Variants in CCDC138 observed in about 807,000 individuals in gnomAD.
The protein encoded by CCDC138 is coiled-coil domain-containing protein 138.
A neutral mutation model predicts 82.3 loss-of-function variants in CCDC138; 66 were observed. That is an observed-to-expected ratio of 0.80 (90% confidence interval 0.66 to 0.98). The LOEUF (loss-of-function observed/expected upper bound fraction) is 0.98. CCDC138 is among the 50% of genes least tolerant of loss of function. The pLI, the probability that CCDC138 is intolerant of heterozygous loss-of-function variation, is 0.00. For missense variants in CCDC138, 816 were observed against 758.9 expected (o/e 1.08, Z -0.88); for synonymous variants, 297 against 265.4 (o/e 1.12, Z -1.16).
At chr2:108,842,744 CAG>C (rs1164760249) in intron 11 of CCDC138, among the ~76,000 whole-genome samples, 1 of 152,080 alleles carries the variant, frequency 6.6e-6, no homozygotes, top group South Asian at 2.1e-4. Flanking sequence ...AAACTGGAAA[CAG>C]TGTTAAAAGT....
At chr2:108,873,681 C>A in intron 14 of CCDC138, 92 bp downstream of exon 14, 1 of 828,292 alleles carries the variant, frequency 1.2e-6, no homozygotes, top group Non-Finnish European at 1.8e-6. Flanking sequence ...CTTCCCTGGG[C>A]CACACTGGAT....
At chr2:108,879,520 G>C (rs565647629), downstream of CCDC138, among the ~76,000 whole-genome samples, 8 of 152,276 alleles carry the variant, frequency 5.3e-5, no homozygotes, top group South Asian at 2.1e-4. Context: ...AATACCAACT[G>C]CATATGACAG....
At chr2:108,802,893 G>A (rs1396824506) in intron 6 of CCDC138, among the ~76,000 whole-genome samples, 2 of 152,160 alleles carry the variant, frequency 1.3e-5, no homozygotes, top group African/African-American at 4.8e-5. Context: ...ATAATCACGT[G>A]GTTTTTGTCT....
chr2:108,847,830 A>G (rs976409753), intron 12 of CCDC138, among the ~76,000 whole-genome samples: 4 of 152,216 alleles, frequency 2.6e-5, no homozygotes, highest in South Asian at 2.1e-4. Flanking sequence ...TTGATGAAAA[A>G]GTAAAAAACC....
chr2:108,875,690 T>C (rs1478519), intron 14 of CCDC138, among the ~76,000 whole-genome samples: 9,372 of 152,068 alleles, frequency 0.062, 355 homozygotes, highest in South Asian at 0.15. Flanking sequence ...ACACCCTGTC[T>C]CTACAAAAAA....
downstream of CCDC138, among the ~76,000 whole-genome samples, chr2:108,878,054 A>G (rs886593673): frequency 6.6e-6 from 1 of 152,216 alleles, no homozygotes; most frequent in Non-Finnish European, 1.5e-5. Flanking sequence ...AAATTATACC[A>G]CTTACGTACT....
chr2:108,873,669 G>T, intron 14 of CCDC138, 80 bp downstream of exon 14: 1 of 939,548 alleles, frequency 1.1e-6, no homozygotes, highest in Non-Finnish European at 1.6e-6. Flanking sequence ...TTAATCTTTT[G>T]GCTTCCCTGG....
At chr2:108,807,062 T>C (rs923374436) in intron 7 of CCDC138, among the ~76,000 whole-genome samples, 1 of 152,236 alleles carries the variant, frequency 6.6e-6, no homozygotes, top group African/African-American at 2.4e-5. Context: ...GAGGAAAATA[T>C]GTCTTTCATT....
intron 11 of CCDC138, among the ~76,000 whole-genome samples, chr2:108,842,485 G>C (rs1287895205): frequency 6.6e-6 from 1 of 152,140 alleles, no homozygotes; most frequent in Non-Finnish European, 1.5e-5. Context: ...TTGGAGTCCA[G>C]GATGTTACCC....
chr2:108,796,581 G>A (rs948517078), intron 5 of CCDC138, among the ~76,000 whole-genome samples: 3 of 152,170 alleles, frequency 2.0e-5, no homozygotes. Context: ...GTCAGTCTCA[G>A]TGTCCATTGG....
chr2:108,881,008 T>C (rs1696275743), downstream of CCDC138, among the ~76,000 whole-genome samples: 1 of 152,220 alleles, frequency 6.6e-6, no homozygotes, highest in African/African-American at 2.4e-5. Flanking sequence ...TACTCACGAA[T>C]GACTTTGAGG....
intron 2 of CCDC138, 128 bp from the exon 3 acceptor site, chr2:108,788,723 GA>G (rs751655054): frequency 6.0e-5 from 76 of 1,277,236 alleles, no homozygotes; most frequent in South Asian, 2.4e-4. Context: ...CCGTCTCAAA[GA>G]AAAAAAAAGA....
intron 7 of CCDC138, among the ~76,000 whole-genome samples, chr2:108,809,632 TTTG>T (rs751771440): frequency 8.5e-5 from 13 of 152,144 alleles, no homozygotes; most frequent in Non-Finnish European, 1.5e-4. Flanking sequence ...TTTCAGTTAG[TTTG>T]TTGTTAGTGT....
At chr2:108,811,247 C>CTCTCTTTTTTTTTTTTTTTTTTT (rs760937756) in intron 7 of CCDC138, among the ~76,000 whole-genome samples, 4 of 113,932 alleles carry the variant, frequency 3.5e-5, no homozygotes, top group African/African-American at 1.1e-4. Flanking sequence ...TTCTCTCTCT[C>CTCTCTTTTTTTTTTTTTTTTTTT]TTTTTTTTTT....
At chr2:108,819,333 C>G (rs1191799077) in intron 10 of CCDC138, among the ~76,000 whole-genome samples, 1 of 152,172 alleles carries the variant, frequency 6.6e-6, no homozygotes, top group Non-Finnish European at 1.5e-5. Context: ...CCTACCGTCT[C>G]CCTTGGGACA....
In CCDC138 at chr2:108,800,994, A is replaced by G. The variant is rs893742233; in HGVS notation, c.735+2408A>G. Among the ~76,000 whole-genome samples the G allele has an allele frequency of 3.2e-4, 18 of 56,264 alleles. 2 individuals carry two copies. The highest frequency in any genetic ancestry group is 7.9e-3 in the Middle Eastern group (1 of 126). 36.9% of individuals were successfully genotyped at this position (56,264 alleles called of 152,430 possible). A position where few individuals can be genotyped will look rare whatever the true frequency, so the allele number is the denominator to read the frequency against. Reference sequence around the variant, plus strand: ...ATGGCTGCATAGTATTCCATGGTATATATGTGCCACATTTTCTTAATCCAG... The same window carrying G: ...ATGGCTGCATAGTATTCCATGGTATGTATGTGCCACATTTTCTTAATCCAG... On this transcript the variant is annotated intron_variant, in intron 6 of 14. Transcript: ENST00000295124.
At chr2:108,794,494 CA>C (rs1558969072) in intron 4 of CCDC138, 45 bp from the exon 5 acceptor site, 1 of 1,513,196 alleles carries the variant, frequency 6.6e-7, no homozygotes, top group Non-Finnish European at 9.0e-7. Context: ...ATATTTGAAA[CA>C]ATAAGTTAAT....
intron 11 of CCDC138, among the ~76,000 whole-genome samples, chr2:108,841,335 A>G (rs1040258203): frequency 6.6e-6 from 1 of 152,134 alleles, no homozygotes; most frequent in Non-Finnish European, 1.5e-5. Flanking sequence ...GTCCTGTTCT[A>G]TCAAGTGTGG....
intron 12 of CCDC138, among the ~76,000 whole-genome samples, chr2:108,849,783 C>T (rs577653011): frequency 6.6e-6 from 1 of 152,334 alleles, no homozygotes; most frequent in South Asian, 2.1e-4. Context: ...TTCTTATGAG[C>T]CCAAACCTGT....
Sources: gnomAD v4.1 joint callset for allele counts (sites outside exome capture counted in the v4.1 genomes callset) on GRCh38, gnomAD v4.1.1 for gene constraint, MANE v1.5 for transcripts, NCBI Gene and HGNC (gene_info 2026-07-23, HGNC 2026-07-21) for gene names.